RAB2A: variants seen among roughly 807,000 people sequenced by gnomAD.
The protein encoded by RAB2A is ras-related protein Rab-2A.
RAB2A carries 7 observed loss-of-function variants against 32.5 expected under a neutral mutation model. That is an observed-to-expected ratio of 0.22 (90% CI 0.12 to 0.40). RAB2A has a LOEUF of 0.40. RAB2A is among the 10% of genes least tolerant of loss of function. RAB2A has a pLI of 1.00. For synonymous variants in RAB2A, 79 were observed against 85.2 expected (o/e 0.93, Z 0.40); for missense variants, 108 against 260.7 (o/e 0.41, Z 4.03).
Position 60,517,129 on chromosome 8 carries a change from C to T in RAB2A, c.-79C>T. On this transcript the variant is annotated 5_prime_UTR_variant, in exon 1 of 8. Coordinates refer to ENST00000262646, the MANE Select transcript of RAB2A (RefSeq NM_002865.3). ...CGGCGCCTGGCGTTTCGAGGCTGAG[C>T]GGCACCGGGGTTGGGGCGCGGAGGA... is the stretch of plus-strand genomic sequence containing the variant. The T allele has an allele frequency of 7.2e-7, 1 of 1,388,528 alleles. No individual in the cohort carries two copies. Among genetic ancestry groups the T allele is most frequent in the Non-Finnish European group, 9.5e-7 (1 of 1,051,814 alleles). The allele number at this position is 1,388,528 out of a possible 1,614,324, so 86.0% of individuals were successfully genotyped here.
intron 3 of RAB2A, among the ~76,000 whole-genome samples, chr8:60,573,110 C>T (rs1373163716): frequency 1.3e-5 from 2 of 152,078 alleles, no homozygotes; most frequent in African/African-American, 4.8e-5. Flanking sequence ...CCACATGGAC[C>T]CTTAAAGTCT....
intron 1 of RAB2A, among the ~76,000 whole-genome samples, chr8:60,541,937 T>TCAGGG (rs879665458): frequency 7.9e-5 from 12 of 152,116 alleles, no homozygotes; most frequent in Non-Finnish European, 1.8e-4. Flanking sequence ...GTTTTTCCCC[T>TCAGGG]GAAACCAGAC....
At chr8:60,598,539 A>G (rs1217790788) in intron 6 of RAB2A, among the ~76,000 whole-genome samples, 1 of 125,504 alleles carries the variant, frequency 8.0e-6, no homozygotes, top group African/African-American at 4.0e-5. Flanking sequence ...GAAATTGTGT[A>G]TGTGTACGTT....
rs542574270 is a variant in RAB2A, at chr8:60,559,259, A to G, written c.118+336A>G. The G allele has an allele frequency of 1.1e-3, 257 of 235,012 alleles. 5 individuals are homozygous for G. The highest frequency in any genetic ancestry group is 8.2e-3 in the South Asian group (148 of 18,134). The allele number at this position is 235,012 out of a possible 1,614,324, so 14.6% of individuals were successfully genotyped here. A position where few individuals can be genotyped will look rare whatever the true frequency, so the allele number is the denominator to read the frequency against. ...CTGGAAGTTAAATCAAGTCTCTGCT[A>G]CTAACTTGCTGTGCAAGCCATTTCC... is the stretch of plus-strand genomic sequence containing the variant. On this transcript the variant is annotated intron_variant, in intron 2 of 7. Coordinates refer to ENST00000262646, the MANE Select transcript of RAB2A (RefSeq NM_002865.3).
intron 6 of RAB2A, among the ~76,000 whole-genome samples, chr8:60,606,902 C>G (rs1421829382): frequency 6.6e-6 from 1 of 152,168 alleles, no homozygotes; most frequent in East Asian, 1.9e-4. Context: ...ATGGGTTGGG[C>G]TCCTGGAAAG....
intron 1 of RAB2A, among the ~76,000 whole-genome samples, chr8:60,517,495 T>C (rs1399544114): frequency 6.6e-6 from 1 of 152,060 alleles, no homozygotes; most frequent in Non-Finnish European, 1.5e-5. Context: ...GTGGCAGCCG[T>C]TTGCGACGCC....
chr8:60,608,424 C>CTT, intron 6 of RAB2A, among the ~76,000 whole-genome samples: 1 of 151,808 alleles, frequency 6.6e-6, no homozygotes, highest in Non-Finnish European at 1.5e-5. Context: ...CGTTTTCTTT[C>CTT]TTTTTCTCTT....
In RAB2A at chr8:60,622,971, C is replaced by T. The variant is rs907370392; in HGVS notation, c.*2202C>T. ...CTGTCAAATAATGTAATATTGGTAC[C>T]TGCAGTTGAATTTGTAATATTGTAA... is the stretch of plus-strand genomic sequence containing the variant. On this transcript the variant is annotated 3_prime_UTR_variant, in exon 8 of 8. Coordinates refer to ENST00000262646, the MANE Select transcript of RAB2A (RefSeq NM_002865.3). 2 of 152,098 alleles carry T rather than the reference C, an allele frequency of 1.3e-5. No individual in the cohort carries two copies. Among genetic ancestry groups the T allele is most frequent in the Non-Finnish European group, 2.9e-5 (2 of 68,028 alleles). The allele number at this position is 152,098 out of a possible 1,614,324, so 9.4% of individuals were successfully genotyped here. A position where few individuals can be genotyped will look rare whatever the true frequency, so the allele number is the denominator to read the frequency against.
intron 1 of RAB2A, among the ~76,000 whole-genome samples, chr8:60,526,361 C>T (rs939887824): frequency 6.6e-6 from 1 of 152,072 alleles, no homozygotes; most frequent in African/African-American, 2.4e-5. Flanking sequence ...CCCCCTTCCT[C>T]CATCTTCACA....
chr8:60,535,439 A>G (rs1240265797), intron 1 of RAB2A, among the ~76,000 whole-genome samples: 1 of 152,224 alleles, frequency 6.6e-6, no homozygotes, highest in Non-Finnish European at 1.5e-5. Context: ...CAGTAGGATT[A>G]TACAATCACT....
At chr8:60,569,880 G>A (rs763267731) in intron 2 of RAB2A, 3 of 429,596 alleles carry the variant, frequency 7.0e-6, no homozygotes, top group Non-Finnish European at 1.4e-5. Context: ...GGTAAGCAAA[G>A]AGAATATTCT....
intron 1 of RAB2A, among the ~76,000 whole-genome samples, chr8:60,546,019 T>C (rs1319125421): frequency 1.3e-5 from 2 of 152,230 alleles, no homozygotes; most frequent in Admixed American, 6.5e-5. Context: ...GAAAGAACTT[T>C]GTTTATAAAT....
chr8:60,603,454 T>C (rs1380310555), intron 6 of RAB2A, among the ~76,000 whole-genome samples: 1 of 152,238 alleles, frequency 6.6e-6, no homozygotes, highest in Non-Finnish European at 1.5e-5. Flanking sequence ...AGTTTACTAT[T>C]AGTCTATAGA....
At chr8:60,547,965 C>G in intron 1 of RAB2A, among the ~76,000 whole-genome samples, 1 of 69,360 alleles carries the variant, frequency 1.4e-5, no homozygotes, top group Non-Finnish European at 2.9e-5. Flanking sequence ...CGGGCAGAGG[C>G]GCCCCTCACT....
chr8:60,571,277 G>A (rs952265431), intron 2 of RAB2A, among the ~76,000 whole-genome samples: 2 of 152,144 alleles, frequency 1.3e-5, no homozygotes, highest in Non-Finnish European at 2.9e-5. Flanking sequence ...GTTCATTTCA[G>A]CATTCACTAT....
chr8:60,610,869 A>C (rs552286782), intron 6 of RAB2A, among the ~76,000 whole-genome samples: 1 of 152,326 alleles, frequency 6.6e-6, no homozygotes, highest in Non-Finnish European at 1.5e-5. Context: ...AATTATATAG[A>C]TCGCCATCTA....
At chr8:60,583,379 A>G (rs1346656118) in intron 3 of RAB2A, among the ~76,000 whole-genome samples, 1 of 150,916 alleles carries the variant, frequency 6.6e-6, no homozygotes, top group Non-Finnish European at 1.5e-5. Context: ...GAACAGTCAC[A>G]TTCCTCCCCA....
rs528153257 is a variant in RAB2A at position 60,571,215 on chromosome 8, A to G, written c.119-831A>G. On this transcript the variant is annotated intron_variant, in intron 2 of 7. Coordinates refer to ENST00000262646, the MANE Select transcript of RAB2A (RefSeq NM_002865.3). ...TGTGTTCCCTTTGTCCTGTAATCCT[A>G]TTTCTTATAATTTGCCTAAAATTAT... 2.7e-4 allele frequency among the ~76,000 whole-genome samples: 41 copies of G among 152,290 alleles called. No individual in the cohort carries two copies. In the South Asian group the frequency reaches 8.1e-3, roughly 30 times the overall value.
intron 1 of RAB2A, 107 bp downstream of exon 1, chr8:60,517,360 C>T (rs1807222367): frequency 3.8e-6 from 4 of 1,055,704 alleles, no homozygotes; most frequent in Non-Finnish European, 5.1e-6. Context: ...CCCGGCGCCT[C>T]CCTCCTGGCC....
Sources: allele counts gnomAD v4.1 joint callset (sites outside exome capture counted in the v4.1 genomes callset), GRCh38; gene constraint gnomAD v4.1.1; transcripts MANE v1.5; gene names NCBI Gene and HGNC (gene_info 2026-07-23, HGNC 2026-07-21).